The following ZNF827 variants were observed in gnomAD, a reference collection of about 807,000 sequenced individuals.
ZNF827 encodes the protein zinc finger protein 827.
A neutral mutation model predicts 102.4 loss-of-function variants in ZNF827; 13 were observed. The observed-to-expected ratio is 0.13, with a 90% CI of 0.08 to 0.20. ZNF827 has a LOEUF of 0.20. Ranked by LOEUF, ZNF827 falls within the 10% of genes least tolerant of loss-of-function variation. ZNF827 has a pLI of 1.00. For synonymous variants in ZNF827, 523 were observed against 536.2 expected, an observed-to-expected ratio of 0.98 and a Z score of 0.34; for missense variants, 1,103 against 1,344.4, an observed-to-expected ratio of 0.82 and a Z score of 2.81.
chr4:145,837,476 C>CAA (rs570621829), intron 7 of ZNF827, among the ~76,000 whole-genome samples: 6 of 150,740 alleles, frequency 4.0e-5, no homozygotes, highest in Non-Finnish European at 8.9e-5. Flanking sequence ...TGCCCCCCAC[C>CAA]AAAAAAAAAC....
intron 5 of ZNF827, among the ~76,000 whole-genome samples, chr4:145,865,751 A>G (rs529543366): frequency 1.3e-5 from 2 of 152,250 alleles, no homozygotes; most frequent in African/African-American, 4.8e-5. Context: ...GTTCGCATGT[A>G]TTGTTCTATC....
intron 13 of ZNF827, among the ~76,000 whole-genome samples, chr4:145,764,142 A>C (rs1734928016): frequency 6.6e-6 from 1 of 152,238 alleles, no homozygotes; most frequent in Non-Finnish European, 1.5e-5. Context: ...TTCATTCAAC[A>C]TGATCGTTTA....
At chr4:145,890,281 T>G (rs1403746166) in intron 3 of ZNF827, among the ~76,000 whole-genome samples, 1 of 152,196 alleles carries the variant, frequency 6.6e-6, no homozygotes. Context: ...CTCAACAGGT[T>G]AGGACACCAT....
chr4:145,778,153 G>C (rs1737384947), intron 9 of ZNF827, among the ~76,000 whole-genome samples: 1 of 151,768 alleles, frequency 6.6e-6, no homozygotes, highest in African/African-American at 2.4e-5. Flanking sequence ...TTTTTTTTGA[G>C]ACTGAGTTTC....
At chr4:145,813,293 TA>T (rs1205217451) in intron 8 of ZNF827, among the ~76,000 whole-genome samples, 1 of 152,184 alleles carries the variant, frequency 6.6e-6, no homozygotes, top group Non-Finnish European at 1.5e-5. Context: ...AGAGTGAGTA[TA>T]GTGCAAGAAG....
chr4:145,929,416 A>C (rs1456849793), intron 1 of ZNF827, among the ~76,000 whole-genome samples: 1 of 152,204 alleles, frequency 6.6e-6, no homozygotes, highest in East Asian at 1.9e-4. Flanking sequence ...CTAAAGGAGG[A>C]TTTAGTATCC....
At chr4:145,835,705 C>T (rs1744766655) in intron 7 of ZNF827, among the ~76,000 whole-genome samples, 1 of 134,308 alleles carries the variant, frequency 7.4e-6, no homozygotes, top group Non-Finnish European at 1.6e-5. Context: ...CTCATTAAAA[C>T]CTAATCACCC....
chr4:145,938,332 G>A, intron 1 of ZNF827, 33 bp downstream of exon 1: 1 of 1,613,602 alleles, frequency 6.2e-7, no homozygotes, highest in South Asian at 1.1e-5. Flanking sequence ...GCGAGAAAAT[G>A]GCACGAGAGG....
At chr4:145,806,817 C>T (rs1246545452) in intron 8 of ZNF827, among the ~76,000 whole-genome samples, 1 of 152,098 alleles carries the variant, frequency 6.6e-6, no homozygotes, top group East Asian at 1.9e-4. Context: ...CTTATGAGAC[C>T]AATGATGCAA....
At chr4:145,878,903 CAGGG>C (rs1749426005) in intron 4 of ZNF827, among the ~76,000 whole-genome samples, 1 of 151,864 alleles carries the variant, frequency 6.6e-6, no homozygotes, top group South Asian at 2.1e-4. Flanking sequence ...GAAAAGGCAT[CAGGG>C]AGGGAGCTGG....
intron 8 of ZNF827, among the ~76,000 whole-genome samples, chr4:145,821,563 A>G (rs1743147503): frequency 6.6e-6 from 1 of 152,068 alleles, no homozygotes; most frequent in South Asian, 2.1e-4. Flanking sequence ...ATTAAAACAA[A>G]AAAAGTCTTT....
intron 8 of ZNF827, among the ~76,000 whole-genome samples, chr4:145,789,647 A>G (rs140257502): frequency 4.3e-4 from 66 of 152,328 alleles, no homozygotes; most frequent in African/African-American, 1.6e-3. Flanking sequence ...CCAAACCCGA[A>G]TCTGTCTGAC....
chr4:145,839,320 G>A (rs1745191781), intron 7 of ZNF827: 1 of 152,248 alleles, frequency 6.6e-6, no homozygotes, highest in African/African-American at 2.4e-5. Context: ...GCCAGACCGG[G>A]GGTGCCAGAG....
chr4:145,833,283 G>A (rs1397240061), intron 7 of ZNF827: 2 of 153,378 alleles, frequency 1.3e-5, no homozygotes, highest in Non-Finnish European at 2.9e-5. Context: ...TTCATTTTCT[G>A]GTAGAGACAA....
intron 7 of ZNF827, among the ~76,000 whole-genome samples, chr4:145,845,104 A>C (rs774287450): frequency 2.4e-4 from 37 of 152,200 alleles, no homozygotes; most frequent in African/African-American, 8.2e-4. Flanking sequence ...TGTAAAGCTC[A>C]TATCTTGGGC....
At chr4:145,811,140 C>T (rs1299237272) in intron 8 of ZNF827, among the ~76,000 whole-genome samples, 1 of 151,932 alleles carries the variant, frequency 6.6e-6, no homozygotes, top group Non-Finnish European at 1.5e-5. Flanking sequence ...TACAGGCATG[C>T]ACCACCATGC....
At chr4:145,807,735 G>T (rs1475520262) in intron 8 of ZNF827, among the ~76,000 whole-genome samples, 2 of 149,828 alleles carry the variant, frequency 1.3e-5, no homozygotes, top group Non-Finnish European at 3.0e-5. Flanking sequence ...CTCCCAAAGT[G>T]CTGGGATTAC....
Position 145,765,282 on chromosome 4 carries a change from C to T in ZNF827, c.3053-117G>A. ...CTCCTCCGACGCCTGACAGCTATAC[C>T]CTTCCAGGCACTGTTCCCCATATCT... On this transcript the variant is annotated intron_variant, in intron 12 of 14. Transcript: ENST00000508784. The surrounding 1 kb of genome is among the most constrained non-coding windows in gnomAD (Gnocchi z 4.7). 8.6e-7 allele frequency: 1 copy of T among 1,166,596 alleles called. No individual in the cohort carries two copies. The highest frequency in any genetic ancestry group is 1.2e-6 in the Non-Finnish European group (1 of 848,156). The allele number at this position is 1,166,596 out of a possible 1,614,324, so 72.3% of individuals were successfully genotyped here. A position where few individuals can be genotyped will look rare whatever the true frequency, so the allele number is the denominator to read the frequency against.
At chr4:145,863,166 C>A (rs906418804) in intron 5 of ZNF827, among the ~76,000 whole-genome samples, 7 of 152,140 alleles carry the variant, frequency 4.6e-5, no homozygotes, top group Admixed American at 6.5e-5. Flanking sequence ...CATTAGTCAT[C>A]AGGGAAATGC....
Sources: gnomAD v4.1 joint callset for allele counts (sites outside exome capture counted in the v4.1 genomes callset) on GRCh38, gnomAD v4.1.1 for gene constraint, Gnocchi (gnomAD v3.1) non-coding constraint, MANE v1.5 for transcripts, NCBI Gene and HGNC (gene_info 2026-07-23, HGNC 2026-07-21) for gene names.